MLPH: variants seen among roughly 807,000 people sequenced by gnomAD.
MLPH encodes exophilin-3.
Under a neutral mutation model 72.1 loss-of-function variants are expected in MLPH, and 51 were observed. The ratio of observed to expected loss-of-function variants is 0.71; its 90% CI spans 0.56 to 0.89. MLPH has a LOEUF of 0.89. Among genes scored for constraint, MLPH ranks in the 40% least tolerant of loss-of-function variants. MLPH has a pLI of 0.00. For synonymous variants in MLPH, 301 were observed against 310.1 expected, an observed-to-expected ratio of 0.97 and a Z score of 0.31; for missense variants, 743 against 759.9, an observed-to-expected ratio of 0.98 and a Z score of 0.26.
chr2:237,507,062 C>CTTTTTTTTT (rs61091364), intron 2 of MLPH, among the ~76,000 whole-genome samples: 21 of 94,542 alleles, frequency 2.2e-4, no homozygotes, highest in East Asian at 3.1e-4. Context: ...TTTTTTTTTT[C>CTTTTTTTTT]TTTTTTTTTT....
At chr2:237,540,607 G>A in intron 10 of MLPH, 74 bp downstream of exon 10, 1 of 1,546,802 alleles carries the variant, frequency 6.5e-7, no homozygotes, top group South Asian at 1.2e-5. Flanking sequence ...CCAGCTGGCA[G>A]CCACCCTCCC....
intron 4 of MLPH, among the ~76,000 whole-genome samples, chr2:237,517,036 G>GATGA (rs1250832989): frequency 9.5e-6 from 1 of 105,404 alleles, no homozygotes; most frequent in Non-Finnish European, 2.1e-5. Context: ...TGGATGGATG[G>GATGA]ATGGATAGGT....
chr2:237,489,020 G>A (rs909503568), intron 1 of MLPH, among the ~76,000 whole-genome samples: 14 of 152,104 alleles, frequency 9.2e-5, no homozygotes, highest in African/African-American at 3.1e-4. Flanking sequence ...ATCCAGGGCT[G>A]GAGAGGGCCA....
Position 237,525,704 on chromosome 2 carries a change from A to T in MLPH, c.779A>T (p.Glu260Val). 6.2e-7 allele frequency: 1 copy of T among 1,614,132 alleles called. No individual in the cohort carries two copies. Among genetic ancestry groups the T allele is most frequent in the Non-Finnish European group, 8.5e-7 (1 of 1,180,044 alleles). Residue 260 changes from glutamate (E) to valine (V), a missense_variant, in exon 7 of 16, where the codon GAG (glutamate) becomes GTG (valine). Coordinates refer to ENST00000264605, the MANE Select transcript of MLPH (RefSeq NM_024101.7). ...TCTGGGTGCCACTCCCATCCGGAAG[A>T]GCAGCCGACCAGCATCTCACCTTCC... ...GASGCHSHPE[E>V]QPTSISPSRH...
In MLPH at chr2:237,525,768, C is replaced by T. The variant is rs766350139; in HGVS notation, c.843C>T (p.Gly281=). ...GALAELCPPG[G]SHRMALGTAA... ...TGGCTGAGCTCTGCCCGCCTGGAGG[C>T]TCCCACAGGATGGCCCTGGGGACTG... is the stretch of plus-strand genomic sequence containing the variant. The change falls in exon 7 of 16, where the codon GGC becomes GGT. Residue 281 remains glycine, a synonymous_variant. Transcript: ENST00000264605. 7 of 1,613,732 alleles carry T rather than the reference C, an allele frequency of 4.3e-6. No individual in the cohort carries two copies. The South Asian group carries it at 4.4e-5, about 10-fold the overall frequency.
chr2:237,516,169 ACCT>A (rs2080013022), intron 4 of MLPH, among the ~76,000 whole-genome samples: 1 of 152,172 alleles, frequency 6.6e-6, no homozygotes, highest in African/African-American at 2.4e-5. Flanking sequence ...AGAGGATCTG[ACCT>A]CCACAGTGCC....
Position 237,511,083 on chromosome 2 carries a change from G to T in MLPH, c.427G>T (p.Gly143Trp), listed in dbSNP as rs776602781. The change falls in exon 4 of 16, where the codon GGG becomes TGG. Residue 143 changes from glycine (G) to tryptophan (W), a missense_variant. Coordinates refer to ENST00000264605, the MANE Select transcript of MLPH (RefSeq NM_024101.7). ...TGCCAAGGTCATCCGGTCCCTCCAC[G>T]GGCGGCTGCAGGGTGGAGGTAAGGA... ...GSAKVIRSLH[G>W]RLQGGAGPEL... is the part of the protein sequence containing the mutation. 1 of 1,613,698 alleles carries T rather than the reference G, an allele frequency of 6.2e-7. No individual in the cohort carries two copies. The highest frequency in any genetic ancestry group is 1.7e-5 in the Admixed American group (1 of 60,020).
At chr2:237,504,837 G>A (rs2079730480) in intron 2 of MLPH, among the ~76,000 whole-genome samples, 1 of 152,148 alleles carries the variant, frequency 6.6e-6, no homozygotes, top group Admixed American at 6.5e-5. Flanking sequence ...CTGCCTCAGT[G>A]GCATGGCAAA....
At chr2:237,516,869 A>T (rs894945482) in intron 4 of MLPH, among the ~76,000 whole-genome samples, 3 of 142,272 alleles carry the variant, frequency 2.1e-5, no homozygotes, top group South Asian at 2.3e-4. Context: ...GGATGGATGG[A>T]TGGGTGGATG....
Position 237,544,985 on chromosome 2 carries a change from GGTGAATGGGGACAGTA to G in MLPH, c.1540-1616_1540-1601del, listed in dbSNP as rs2080868009. 1.3e-3 allele frequency among the ~76,000 whole-genome samples: 4 copies of G among 3,122 alleles called. 1 individual carries two copies. The highest frequency in any genetic ancestry group is 7.2e-3 in the African/African-American group (4 of 558). 2.0% of individuals were successfully genotyped at this position (3,122 alleles called of 152,430 possible). A position where few individuals can be genotyped will look rare whatever the true frequency, so the allele number is the denominator to read the frequency against. ...GGACAGTGGTGAGTGGGGGGACAGTGGTGAATGGGGACAGTAGTGAGTGGGGGACCGTGGTGAGTGG... is the reference window on the plus strand; with the variant it reads ...GGACAGTGGTGAGTGGGGGGACAGTGGTGAGTGGGGGACCGTGGTGAGTGG... On this transcript the variant is annotated intron_variant, in intron 12 of 15. Transcript: ENST00000264605.
chr2:237,490,222 G>A (rs1194596133), intron 1 of MLPH, among the ~76,000 whole-genome samples: 1 of 152,006 alleles, frequency 6.6e-6, no homozygotes, highest in African/African-American at 2.4e-5. Context: ...CATGGGTCTA[G>A]CATATTCTCT....
chr2:237,551,666 T>C (rs909841581), intron 14 of MLPH, among the ~76,000 whole-genome samples: 2 of 152,192 alleles, frequency 1.3e-5, no homozygotes, highest in East Asian at 1.9e-4. Flanking sequence ...CCTTGGGCTG[T>C]TGCCGTGTCT....
chr2:237,509,577 A>T (rs1210340967), intron 2 of MLPH, among the ~76,000 whole-genome samples: 1 of 152,004 alleles, frequency 6.6e-6, no homozygotes, highest in Non-Finnish European at 1.5e-5. Context: ...CTTTATCTAA[A>T]CTGTAGTCTG....
At chr2:237,516,825 ATGG>A (rs1314259054) in intron 4 of MLPH, among the ~76,000 whole-genome samples, 63 of 136,210 alleles carry the variant, frequency 4.6e-4, no homozygotes, top group African/African-American at 1.6e-3. Context: ...GGATGGATGG[ATGG>A]TAGGATGGAT....
chr2:237,492,124 C>T (rs1371751997), intron 1 of MLPH, among the ~76,000 whole-genome samples: 2 of 152,200 alleles, frequency 1.3e-5, no homozygotes, highest in Non-Finnish European at 2.9e-5. Flanking sequence ...CCACGAACCA[C>T]ATTTTGAGTA....
At chr2:237,518,012 T>A (rs2080088363) in intron 4 of MLPH, 1 of 238,330 alleles carries the variant, frequency 4.2e-6, no homozygotes, top group Admixed American at 5.4e-5. Context: ...GGTGGGTGCA[T>A]GGATGAAGGA....
intron 4 of MLPH, among the ~76,000 whole-genome samples, chr2:237,517,722 T>G (rs2080076582): frequency 8.0e-6 from 1 of 125,626 alleles, no homozygotes; most frequent in African/African-American, 3.3e-5. Context: ...GATGGATAAG[T>G]AAGTGGGTGG....
chr2:237,513,827 C>T (rs1293762462), intron 4 of MLPH, among the ~76,000 whole-genome samples: 1 of 152,154 alleles, frequency 6.6e-6, no homozygotes, highest in Non-Finnish European at 1.5e-5. Flanking sequence ...CCTCAAGGCA[C>T]TCACTGTCCA....
At chr2:237,537,046 C>G (rs2080546874) in intron 9 of MLPH, among the ~76,000 whole-genome samples, 1 of 152,246 alleles carries the variant, frequency 6.6e-6, no homozygotes, top group Admixed American at 6.5e-5. Context: ...CATCAAGGAG[C>G]TGGACCTGAG....
Sources: gnomAD v4.1 joint callset for allele counts (sites outside exome capture counted in the v4.1 genomes callset) on GRCh38, gnomAD v4.1.1 for gene constraint, MANE v1.5 for transcripts, NCBI Gene and HGNC (gene_info 2026-07-23, HGNC 2026-07-21) for gene names.